The following DPY19L4 variants were observed in gnomAD, a reference collection of about 807,000 sequenced individuals.
DPY19L4 encodes probable C-mannosyltransferase DPY19L4.
Under a neutral mutation model 102.8 loss-of-function variants are expected in DPY19L4, and 97 were observed. The observed-to-expected ratio is 0.94, with a 90% CI of 0.80 to 1.12. The LOEUF (loss-of-function observed/expected upper bound fraction) is 1.12. Among genes scored for constraint, DPY19L4 ranks in the 50% most tolerant of loss-of-function variants. DPY19L4 has a pLI of 0.00. For synonymous variants in DPY19L4, 252 were observed against 283.1 expected (o/e 0.89, Z 1.10); for missense variants, 815 against 850.4 (o/e 0.96, Z 0.52).
chr8:94,750,727 C>T (rs941803076), intron 6 of DPY19L4, among the ~76,000 whole-genome samples: 41 of 151,716 alleles, frequency 2.7e-4, no homozygotes, highest in African/African-American at 9.5e-4. Context: ...TTGAATATAC[C>T]CACAAAATCA....
intron 13 of DPY19L4, among the ~76,000 whole-genome samples, chr8:94,772,593 A>G (rs535978132): frequency 1.6e-4 from 24 of 152,344 alleles, no homozygotes; most frequent in South Asian, 8.3e-4. Flanking sequence ...AGTACTGTCA[A>G]TCAGGGAAGC....
chr8:94,744,240 T>C, intron 6 of DPY19L4: 1 of 409,856 alleles, frequency 2.4e-6, no homozygotes, highest in Admixed American at 2.9e-5. Flanking sequence ...GGCTGAAGCA[T>C]CTGCTTCCAA....
At chr8:94,742,336 C>T (rs553236323) in intron 6 of DPY19L4, among the ~76,000 whole-genome samples, 36 of 151,516 alleles carry the variant, frequency 2.4e-4, no homozygotes, top group Admixed American at 7.2e-4. Flanking sequence ...CCAGCCTGGG[C>T]GACAGAGCGA....
intron 3 of DPY19L4, among the ~76,000 whole-genome samples, chr8:94,735,625 A>G (rs537350564): frequency 1.3e-5 from 2 of 152,330 alleles, no homozygotes; most frequent in African/African-American, 4.8e-5. Context: ...AAATATTTTC[A>G]GGTGATTATG....
chr8:94,788,043 A>G lies in DPY19L4; in HGVS notation c.1998A>G (p.Ala666=). ...GGGTTAAAGATTTATTAGACATTGC[A>G]AATGGCCACGTAAGTAACCATTTGG... is the stretch of plus-strand genomic sequence containing the variant. ...GCRVKDLLDI[A]NGHMVCEEGD... The change falls in exon 18 of 19, where the codon GCA becomes GCG. Residue 666 remains alanine (A), a synonymous_variant. Coordinates refer to ENST00000414645, the MANE Select transcript of DPY19L4 (RefSeq NM_181787.3). 1 of 1,453,512 alleles carries G rather than the reference A, an allele frequency of 6.9e-7. No homozygotes were observed. Among genetic ancestry groups the G allele is most frequent in the Non-Finnish European group, 9.1e-7 (1 of 1,102,252 alleles). The allele number at this position is 1,453,512 out of a possible 1,614,324, so 90.0% of individuals were successfully genotyped here.
intron 18 of DPY19L4, among the ~76,000 whole-genome samples, chr8:94,789,531 G>T (rs1438446405): frequency 6.6e-6 from 1 of 152,144 alleles, no homozygotes; most frequent in Non-Finnish European, 1.5e-5. Context: ...AAACCTTTGT[G>T]CTGGTTTCTC....
At position 94,751,662 on chromosome 8, in the gene DPY19L4, G is replaced by T. The variant is rs956472141; in HGVS notation, c.612-4374G>T. Reference sequence around the variant, plus strand: ...GCACCACCACGGCCAGCTGATTTTTGTATTTTTAGTAGAGATGGGGTTTCA... The same window carrying T: ...GCACCACCACGGCCAGCTGATTTTTTTATTTTTAGTAGAGATGGGGTTTCA... On this transcript the variant is annotated intron_variant, in intron 6 of 18. Transcript: ENST00000414645. Among the ~76,000 whole-genome samples the T allele has an allele frequency of 3.3e-5, 5 of 151,536 alleles. No individual in the cohort carries two copies. The East Asian group carries it at 7.8e-4, about 24-fold the overall frequency.
At chr8:94,778,646 C>T (rs1410336969) in intron 14 of DPY19L4, among the ~76,000 whole-genome samples, 1 of 151,852 alleles carries the variant, frequency 6.6e-6, no homozygotes, top group African/African-American at 2.4e-5. Context: ...GGAAGGGCTA[C>T]TCAATTCTGT....
intron 6 of DPY19L4, among the ~76,000 whole-genome samples, chr8:94,746,487 C>T (rs187331026): frequency 2.6e-5 from 4 of 152,296 alleles, no homozygotes; most frequent in Admixed American, 2.6e-4. Flanking sequence ...AGGGAATGTG[C>T]AGTCATTGTA....
intron 13 of DPY19L4, among the ~76,000 whole-genome samples, chr8:94,773,472 C>A (rs1813022839): frequency 6.6e-6 from 1 of 151,166 alleles, no homozygotes; most frequent in Admixed American, 6.8e-5. Context: ...GTCTTTGTCG[C>A]CCAGGCTGGA....
intron 2 of DPY19L4, among the ~76,000 whole-genome samples, chr8:94,733,796 C>T (rs1414719229): frequency 6.6e-6 from 1 of 152,126 alleles, no homozygotes; most frequent in Non-Finnish European, 1.5e-5. Flanking sequence ...CCCACCTCGG[C>T]CTCCCAAAGT....
At chr8:94,729,561 T>C (rs1157965599) in intron 2 of DPY19L4, among the ~76,000 whole-genome samples, 1 of 120,468 alleles carries the variant, frequency 8.3e-6, no homozygotes, top group Non-Finnish European at 1.6e-5. Context: ...AATGTGCCAC[T>C]GCACTCCAGC....
At chr8:94,743,206 T>G (rs993355787) in intron 6 of DPY19L4, among the ~76,000 whole-genome samples, 8 of 151,782 alleles carry the variant, frequency 5.3e-5, no homozygotes, top group African/African-American at 1.7e-4. Context: ...TTTTGTATTT[T>G]TAATAGAGGT....
Position 94,782,789 on chromosome 8 carries a change from C to T in DPY19L4, c.1716-881C>T, listed in dbSNP as rs1481531005. Reference sequence around the variant, plus strand: ...CTTTAGATCACCCTTAACTATTACCCATTAATACTTTTTGTAAATTCTGTT... The same window carrying T: ...CTTTAGATCACCCTTAACTATTACCTATTAATACTTTTTGTAAATTCTGTT... On this transcript the variant is annotated intron_variant, in intron 16 of 18. Transcript: ENST00000414645. Among the ~76,000 whole-genome samples, 5 of 152,220 alleles carry T rather than the reference C, an allele frequency of 3.3e-5. No individual in the cohort carries two copies. In the East Asian group the frequency reaches 7.7e-4, roughly 23 times the overall value.
chr8:94,779,271 CAAGTTTGTAAGTATGGA>C (rs1813325000), intron 14 of DPY19L4, among the ~76,000 whole-genome samples: 1 of 147,632 alleles, frequency 6.8e-6, no homozygotes, highest in South Asian at 2.1e-4. Flanking sequence ...TTGAGATTAC[CAAGTTTGTAAGTATGGA>C]AATCATGATT....
intron 6 of DPY19L4, among the ~76,000 whole-genome samples, chr8:94,749,239 C>T (rs1021176839): frequency 1.3e-5 from 2 of 152,148 alleles, no homozygotes; most frequent in African/African-American, 2.4e-5. Context: ...CAAACCATAT[C>T]ACCCCACATC....
chr8:94,752,900 C>T (rs1366335856), intron 6 of DPY19L4, among the ~76,000 whole-genome samples: 4 of 151,550 alleles, frequency 2.6e-5, no homozygotes, highest in East Asian at 1.9e-4. Flanking sequence ...TTCCTGACCT[C>T]GTGATCCGCC....
At chr8:94,766,481 A>T (rs754246238) in intron 10 of DPY19L4, 131 bp from the exon 11 acceptor site, 6 of 725,194 alleles carry the variant, frequency 8.3e-6, no homozygotes, top group Non-Finnish European at 1.3e-5. Flanking sequence ...CTTCATAGTC[A>T]TACCGTATAT....
intron 6 of DPY19L4, among the ~76,000 whole-genome samples, chr8:94,751,107 CTCTTT>C (rs1811900834): frequency 6.8e-6 from 1 of 146,858 alleles, no homozygotes; most frequent in Non-Finnish European, 1.5e-5. Flanking sequence ...TAATACCTCC[CTCTTT>C]TCTTTCTTTT....
Sources: gnomAD v4.1 joint callset for allele counts (sites outside exome capture counted in the v4.1 genomes callset) on GRCh38, gnomAD v4.1.1 for gene constraint, MANE v1.5 for transcripts, NCBI Gene and HGNC (gene_info 2026-07-23, HGNC 2026-07-21) for gene names.